Variants in DST observed in about 807,000 individuals in gnomAD.
DST encodes the protein bullous pemphigoid antigen.
A neutral mutation model predicts 875.2 loss-of-function variants in DST; 253 were observed. The observed-to-expected ratio is 0.29, with a 90% CI of 0.26 to 0.32. DST has a LOEUF of 0.32. Ranked by LOEUF, DST falls within the 10% of genes least tolerant of loss-of-function variation. DST has a pLI of 1.00. For missense variants in DST, 8,287 were observed against 9,111.6 expected, an observed-to-expected ratio of 0.91 and a Z score of 3.68; for synonymous variants, 3,124 against 3,197.1, an observed-to-expected ratio of 0.98 and a Z score of 0.77.
intron 2 of DST, among the ~76,000 whole-genome samples, chr6:56,925,046 T>C (rs1806300734): frequency 6.6e-6 from 1 of 152,110 alleles, no homozygotes; most frequent in African/African-American, 2.4e-5. Flanking sequence ...AGGAAAGAGA[T>C]GGGGAGGAGG....
intron 10 of DST, among the ~76,000 whole-genome samples, chr6:56,666,184 A>T (rs1159283976): frequency 7.5e-6 from 1 of 133,370 alleles, no homozygotes; most frequent in Non-Finnish European, 1.5e-5. Context: ...TATGGGGCTA[A>T]CAAACATTCT....
intron 4 of DST, among the ~76,000 whole-genome samples, chr6:56,848,339 G>A (rs1402043325): frequency 6.6e-6 from 1 of 152,124 alleles, no homozygotes; most frequent in Non-Finnish European, 1.5e-5. Context: ...AAAAACAAAT[G>A]AAAATACTAA....
At chr6:56,598,793 T>G (rs1209690781) in intron 45 of DST, 84 bp from the exon 46 acceptor site, 5 of 784,550 alleles carry the variant, frequency 6.4e-6, no homozygotes, top group Non-Finnish European at 9.6e-6. Context: ...AAAGACAGAG[T>G]GAGTACAGAG....
At chr6:56,633,792 G>A (rs1451912952) in intron 27 of DST, among the ~76,000 whole-genome samples, 6 of 152,290 alleles carry the variant, frequency 3.9e-5, no homozygotes, top group Middle Eastern at 3.4e-3. Flanking sequence ...GTGAGCCACC[G>A]CGCCCAGCCA....
At chr6:56,843,128 G>A (rs779566849) in intron 4 of DST, 32 of 1,570,014 alleles carry the variant, frequency 2.0e-5, no homozygotes, top group Non-Finnish European at 2.6e-5. Context: ...AAGCAGCAGG[G>A]GAGAGGTAAC....
intron 37 of DST, 132 bp from the exon 38 acceptor site, chr6:56,611,728 C>T (rs2098546916): frequency 4.7e-6 from 3 of 633,712 alleles, no homozygotes; most frequent in Non-Finnish European, 5.5e-6. Flanking sequence ...AGTGAATAAC[C>T]TATCAGTTAT....
intron 4 of DST, among the ~76,000 whole-genome samples, chr6:56,850,325 C>G (rs947890234): frequency 6.6e-6 from 1 of 151,284 alleles, no homozygotes; most frequent in Non-Finnish European, 1.5e-5. Flanking sequence ...TTCTCAGCTG[C>G]CTTGATGGCC....
chr6:56,916,697 A>G (rs1273839441), intron 2 of DST, among the ~76,000 whole-genome samples: 1 of 150,862 alleles, frequency 6.6e-6, no homozygotes. Flanking sequence ...AGCTGTAGTA[A>G]GCCATGATGG....
At chr6:56,924,670 A>G (rs1806096687) in intron 2 of DST, among the ~76,000 whole-genome samples, 1 of 152,168 alleles carries the variant, frequency 6.6e-6, no homozygotes, top group Non-Finnish European at 1.5e-5. Flanking sequence ...ACACAGAAAG[A>G]GAGCTAGTTT....
rs376543651 is a variant in DST at position 56,886,305 on chromosome 6, C to T, written c.417+14116G>A. ...AAGGATGAGAGAGGTCTGCTTCTAA[C>T]TGACCTTATGAACTTAAGCCAATCA... On this transcript the variant is annotated intron_variant, in intron 3 of 103. Transcript: ENST00000680361. Among the ~76,000 whole-genome samples the T allele has an allele frequency of 5.5e-4, 84 of 152,306 alleles. 1 individual carries two copies. The highest frequency in any genetic ancestry group is 2.0e-3 in the African/African-American group (83 of 41,562).
chr6:56,850,816 G>T (rs889899701), intron 4 of DST, among the ~76,000 whole-genome samples: 1 of 152,230 alleles, frequency 6.6e-6, no homozygotes, highest in African/African-American at 2.4e-5. Flanking sequence ...CACATCTCAT[G>T]TATTAATTAA....
intron 49 of DST, among the ~76,000 whole-genome samples, chr6:56,580,725 CTTTTTTT>C (rs1167715487): frequency 6.6e-4 from 80 of 121,036 alleles, no homozygotes; most frequent in African/African-American, 1.7e-3. Flanking sequence ...TTTACTTTTT[CTTTTTTT>C]TTTTTTTTTT....
intron 9 of DST, among the ~76,000 whole-genome samples, chr6:56,688,291 C>T (rs2099202207): frequency 6.6e-6 from 1 of 152,154 alleles, no homozygotes; most frequent in Non-Finnish European, 1.5e-5. Context: ...CAAGGCTAAA[C>T]ACATTCAGAT....
chr6:56,918,715 A>C (rs1417615451), intron 2 of DST, among the ~76,000 whole-genome samples: 2 of 152,146 alleles, frequency 1.3e-5, no homozygotes, highest in Non-Finnish European at 2.9e-5. Context: ...TGGATAATAT[A>C]AATCTTTATA....
intron 10 of DST, among the ~76,000 whole-genome samples, chr6:56,666,513 C>T (rs1240713312): frequency 1.3e-5 from 2 of 152,072 alleles, no homozygotes; most frequent in Non-Finnish European, 1.5e-5. Flanking sequence ...GGGATAACCA[C>T]ATCCCTCTTT....
chr6:56,629,089 T>A (rs2098756947), intron 32 of DST, among the ~76,000 whole-genome samples, 161 bp downstream of exon 32: 1 of 152,220 alleles, frequency 6.6e-6, no homozygotes, highest in African/African-American at 2.4e-5. Flanking sequence ...AATGTCTTAC[T>A]AAAGTCCTCC....
chr6:56,608,772 T>C lies in DST; in HGVS notation c.5856A>G (p.Arg1952=). 6.2e-7 allele frequency: 1 copy of C among 1,609,658 alleles called. No individual in the cohort carries two copies. Among genetic ancestry groups the C allele is most frequent in the Non-Finnish European group, 8.5e-7 (1 of 1,177,636 alleles). ...ATGTTATTCTACCTCCTTCTTGTGGTCTCACAGGTAGAAGCCACATCCCTG... is the reference window on the plus strand; with the variant it reads ...ATGTTATTCTACCTCCTTCTTGTGGCCTCACAGGTAGAAGCCACATCCCTG... ...ENTGMWLLPV[R]PQEGGRITLK... is the part of the protein sequence containing the mutation. The change falls in exon 40 of 104, where the codon AGA becomes AGG. Residue 1952 remains arginine (R), a synonymous_variant. Transcript: ENST00000680361.
At chr6:56,660,119 G>C (rs2099031313) in intron 10 of DST, among the ~76,000 whole-genome samples, 1 of 152,202 alleles carries the variant, frequency 6.6e-6, no homozygotes, top group African/African-American at 2.4e-5. Flanking sequence ...CATACAGATA[G>C]AAAAAGACTG....
chr6:56,831,433 CTCTG>C (rs2099786836), intron 4 of DST, among the ~76,000 whole-genome samples: 1 of 152,108 alleles, frequency 6.6e-6, no homozygotes, highest in African/African-American at 2.4e-5. Context: ...CAAGAAAAAT[CTCTG>C]TCTGCACCAT....
Sources: gnomAD v4.1 joint callset for allele counts (sites outside exome capture counted in the v4.1 genomes callset) on GRCh38, gnomAD v4.1.1 for gene constraint, MANE v1.5 for transcripts, NCBI Gene and HGNC (gene_info 2026-07-23, HGNC 2026-07-21) for gene names.